ARHGEF11: variants seen among roughly 807,000 people sequenced by gnomAD.
ARHGEF11 encodes Rho guanine nucleotide exchange factor 11, also known as Rho guanine exchange factor (GEF) 11.
A neutral mutation model predicts 193.7 loss-of-function variants in ARHGEF11; 55 were observed. That is an observed-to-expected ratio of 0.28 (90% CI 0.23 to 0.36). ARHGEF11 has a LOEUF of 0.36. Ranked by LOEUF, ARHGEF11 falls within the 10% of genes least tolerant of loss-of-function variation. The probability of loss-of-function intolerance (pLI) is 1.00; values close to 1 mark genes in which losing one functional copy is unlikely to be tolerated. For synonymous variants in ARHGEF11, 693 were observed against 768.0 expected (o/e 0.90, Z 1.62); for missense variants, 1,723 against 2,005.6 (o/e 0.86, Z 2.69).
At chr1:156,983,717 C>A (rs1159323752) in intron 3 of ARHGEF11, among the ~76,000 whole-genome samples, 2 of 152,182 alleles carry the variant, frequency 1.3e-5, no homozygotes, top group Non-Finnish European at 2.9e-5. Context: ...TTTTCATTTC[C>A]ATCTTTCAAA....
Position 156,947,951 on chromosome 1 carries a change from A to G in ARHGEF11, c.2159T>C (p.Ile720Thr), listed in dbSNP as rs774067407. ...PFTPKMGRRS[I>T]ESPSLGFCTD... The stretch of plus-strand genomic sequence containing the variant: ...GCAGAACCCCAAACTGGGGGACTCA[A>G]TGCTCCTGGGGGAAAACAGGCAGCT... The change falls in exon 25 of 41, where the codon ATT (isoleucine) becomes ACT (threonine). Residue 720 changes from isoleucine (I) to threonine (T), a missense_variant. Ile to Thr is a moderately conservative substitution (Grantham distance 89). Transcript: ENST00000368194. The G allele has an allele frequency of 1.9e-6, 3 of 1,612,880 alleles. No individual in the cohort carries two copies. Among genetic ancestry groups the G allele is most frequent in the South Asian group, 1.1e-5 (1 of 91,046 alleles).
At chr1:156,946,233 A>G in intron 28 of ARHGEF11, 71 bp from the exon 29 acceptor site, 1 of 1,295,778 alleles carries the variant, frequency 7.7e-7, no homozygotes, top group Non-Finnish European at 1.1e-6. Flanking sequence ...GCTCAGGGCC[A>G]AGATGGGTGT....
intron 8 of ARHGEF11, among the ~76,000 whole-genome samples, chr1:156,970,964 T>C (rs1482431222): frequency 6.6e-6 from 1 of 152,228 alleles, no homozygotes. Flanking sequence ...TTAAATGTAT[T>C]TGCCTATGTT....
rs367828775 is a variant in ARHGEF11 at position 156,935,860 on chromosome 1, C to T, written c.*140G>A. The T allele has an allele frequency of 4.4e-5, 43 of 966,648 alleles. No homozygotes were observed. In the South Asian group the frequency reaches 5.1e-4, roughly 11 times the overall value. 59.9% of individuals were successfully genotyped at this position (966,648 alleles called of 1,614,324 possible). ...ACCAAGCAACATGCGGGTCTCCCCCCGGGCCTTGGCTGGATCCTAGTTTCC... is the reference window on the plus strand; with the variant it reads ...ACCAAGCAACATGCGGGTCTCCCCCTGGGCCTTGGCTGGATCCTAGTTTCC... On this transcript the variant is annotated 3_prime_UTR_variant, in exon 41 of 41. Coordinates refer to ENST00000368194, the MANE Select transcript of ARHGEF11 (RefSeq NM_198236.3).
chr1:156,977,994 T>C (rs983921953), intron 6 of ARHGEF11, among the ~76,000 whole-genome samples: 16 of 152,256 alleles, frequency 1.1e-4, no homozygotes, highest in East Asian at 1.9e-4. Context: ...AAACCTCATA[T>C]GCATTTGCAT....
intron 1 of ARHGEF11, among the ~76,000 whole-genome samples, chr1:157,044,040 G>C (rs912091370): frequency 6.6e-5 from 10 of 152,076 alleles, no homozygotes; most frequent in Non-Finnish European, 1.3e-4. Flanking sequence ...AAAGTCAAAA[G>C]CCACTGGAAG....
intron 15 of ARHGEF11, among the ~76,000 whole-genome samples, chr1:156,959,537 G>A (rs1291977703): frequency 6.6e-6 from 1 of 152,170 alleles, no homozygotes; most frequent in African/African-American, 2.4e-5. Flanking sequence ...CACACTCCAT[G>A]AAACCTGAGC....
intron 16 of ARHGEF11, 82 bp from the exon 17 acceptor site, chr1:156,958,946 C>T (rs1340809709): frequency 1.9e-6 from 3 of 1,609,334 alleles, no homozygotes; most frequent in Non-Finnish European, 2.6e-6. Context: ...AAGACAAACA[C>T]ATATAACAAG....
At chr1:156,960,976 T>C (rs1287489359) in intron 14 of ARHGEF11, among the ~76,000 whole-genome samples, 1 of 152,122 alleles carries the variant, frequency 6.6e-6, no homozygotes, top group Non-Finnish European at 1.5e-5. Flanking sequence ...AGCTCTAACC[T>C]CCCTACTCAA....
At position 156,935,980 on chromosome 1, in the gene ARHGEF11, G is replaced by C; in HGVS notation, c.*20C>G. ...CCTGAAGGAGGAGTGGGGACGCAGA[G>C]GATTTGGTGGTTTGTACGGTTATGG... On this transcript the variant is annotated 3_prime_UTR_variant, in exon 41 of 41. Transcript: ENST00000368194. The C allele has an allele frequency of 6.2e-7, 1 of 1,608,568 alleles. No homozygotes were observed. Among genetic ancestry groups the C allele is most frequent in the South Asian group, 1.1e-5 (1 of 90,486 alleles).
intron 22 of ARHGEF11, among the ~76,000 whole-genome samples, chr1:156,949,998 T>C (rs1416559194): frequency 6.6e-6 from 1 of 152,222 alleles, no homozygotes; most frequent in Non-Finnish European, 1.5e-5. Flanking sequence ...GCAAGTGTCT[T>C]AGGGCAAATT....
intron 1 of ARHGEF11, among the ~76,000 whole-genome samples, chr1:157,004,292 C>A (rs1312927243): frequency 6.6e-6 from 1 of 152,182 alleles, no homozygotes; most frequent in Non-Finnish European, 1.5e-5. Context: ...TCCTTTTGAG[C>A]TTTAAGGATT....
chr1:157,030,523 T>C (rs1671170321), intron 1 of ARHGEF11, among the ~76,000 whole-genome samples: 1 of 152,104 alleles, frequency 6.6e-6, no homozygotes, highest in African/African-American at 2.4e-5. Flanking sequence ...GACTCCTGAT[T>C]TACCTATCTC....
At chr1:156,944,295 G>A in intron 31 of ARHGEF11, 63 bp downstream of exon 31, 2 of 1,548,622 alleles carry the variant, frequency 1.3e-6, no homozygotes, top group Admixed American at 3.5e-5. Flanking sequence ...GGGAAAGACA[G>A]AAGAGCCCAG....
rs1337293708 is a variant in ARHGEF11, at chr1:156,984,342, G to C, written c.220C>G (p.Pro74Ala). The C allele has an allele frequency of 1.9e-6, 3 of 1,583,920 alleles. No homozygotes were observed. The highest frequency in any genetic ancestry group is 2.6e-6 in the Non-Finnish European group (3 of 1,164,470). ...DRIVLVQSVR[P>A]GGAAMKAGVK... ...GCAGGAGGGATGCAGCACTCACCAG[G>C]CCGCACAGACTGCACCAGAACAATG... The change falls in exon 3 of 41, where the codon CCT (proline) becomes GCT (alanine). Residue 74 changes from proline (P) to alanine (A), a missense_variant. By Grantham distance (27) the Pro-to-Ala change is conservative. Transcript: ENST00000368194.
intron 18 of ARHGEF11, 133 bp downstream of exon 18, chr1:156,957,659 T>C: frequency 2.0e-6 from 2 of 1,012,414 alleles, no homozygotes; most frequent in Non-Finnish European, 3.1e-6. Flanking sequence ...TGCTAGACTT[T>C]CAGGAACCAC....
rs1220845869 is a variant in ARHGEF11 at position 156,963,321 on chromosome 1, T to C, written c.1039-17A>G. The C allele has an allele frequency of 2.5e-6, 4 of 1,609,236 alleles. No homozygotes were observed. The highest frequency in any genetic ancestry group is 4.5e-5 in the East Asian group (2 of 44,846). On this transcript the variant is annotated splice_polypyrimidine_tract_variant and intron_variant, in intron 12 of 40. Coordinates refer to ENST00000368194, the MANE Select transcript of ARHGEF11 (RefSeq NM_198236.3). ...GATGTCGCTCTGGAAGGCAGAAGGA[T>C]GAGCATGGTGGGAAGCCGGGCACAG...
At position 156,951,680 on chromosome 1, in the gene ARHGEF11, C is replaced by T; in HGVS notation, c.1818G>A (p.Arg606=). The T allele has an allele frequency of 1.2e-6, 2 of 1,614,122 alleles. No individual in the cohort carries two copies. The highest frequency in any genetic ancestry group is 2.2e-5 in the East Asian group (1 of 44,878). ...SPVEVKPGNV[R]NIIQHFENNQ... ...TGTTCTCAAAGTGCTGAATGATGTT[C>T]CTCACATTGCCTGGTTTGACTAGAA... The change falls in exon 22 of 41, where the codon AGG becomes AGA. Residue 606 remains arginine (R), a synonymous_variant. Transcript: ENST00000368194.
At chr1:157,014,407 T>C (rs1184743752) in intron 1 of ARHGEF11, among the ~76,000 whole-genome samples, 4 of 151,960 alleles carry the variant, frequency 2.6e-5, no homozygotes, top group Non-Finnish European at 5.9e-5. Context: ...CTCTCTCTCT[T>C]TTTTTTTCTC....
Sources: allele counts gnomAD v4.1 joint callset (sites outside exome capture counted in the v4.1 genomes callset), GRCh38; gene constraint gnomAD v4.1.1; transcripts MANE v1.5; gene names NCBI Gene and HGNC (gene_info 2026-07-23, HGNC 2026-07-21).